NOP2: variants seen among roughly 807,000 people sequenced by gnomAD.
NOP2 encodes the protein 28S rRNA (cytosine(4447)-C(5))-methyltransferase.
NOP2 carries 7 observed loss-of-function variants against 72.7 expected under a neutral mutation model. That is an observed-to-expected ratio of 0.10 (90% CI 0.05 to 0.18). The LOEUF (loss-of-function observed/expected upper bound fraction) is 0.18. Among genes scored for constraint, NOP2 ranks in the 10% least tolerant of loss-of-function variants. NOP2 has a pLI of 1.00. For missense variants in NOP2, 954 were observed against 1,014.7 expected (o/e 0.94, Z 0.81); for synonymous variants, 387 against 388.0 (o/e 1.00, Z 0.03).
At position 6,556,953 on chromosome 12, in the gene NOP2, G is replaced by A; in HGVS notation, c.*40C>T. 1 of 1,610,096 alleles carries A rather than the reference G, an allele frequency of 6.2e-7. No homozygotes were observed. Among genetic ancestry groups the A allele is most frequent in the East Asian group, 2.2e-5 (1 of 44,866 alleles). ...TCACAGAGGCAAGAGTTCCAACCTG[G>A]TGACAATGGCAGTGAGCCACCCGTC... is the stretch of plus-strand genomic sequence containing the variant. On this transcript the variant is annotated 3_prime_UTR_variant, in exon 16 of 16. Transcript: ENST00000322166.
Position 6,561,752 on chromosome 12 carries a change from G to T in NOP2, c.1119C>A (p.Ser373Arg). The change falls in exon 11 of 16, where the codon AGC becomes AGA. Residue 373 changes from serine (S) to arginine (R), a missense_variant. Physicochemically the swap from Ser to Arg is moderately radical, Grantham distance 110. Coordinates refer to ENST00000322166, the MANE Select transcript of NOP2 (RefSeq NM_001258308.2). ...AGHYMLQGAS[S>R]MLPVMALAPQ... The stretch of plus-strand genomic sequence containing the variant: ...GTGCCAAGGCCATGACGGGCAACAT[G>T]CTGGAGGCTCCCTGCAGCATGTAGT... The T allele has an allele frequency of 6.2e-7, 1 of 1,612,212 alleles. No homozygotes were observed. The highest frequency in any genetic ancestry group is 1.1e-5 in the South Asian group (1 of 90,744).
Position 6,557,628 on chromosome 12 carries a change from C to T in NOP2, c.1804G>A (p.Ala602Thr). 6.2e-7 allele frequency: 1 copy of T among 1,610,556 alleles called. No individual in the cohort carries two copies. Among genetic ancestry groups the T allele is most frequent in the Middle Eastern group, 1.7e-4 (1 of 6,058 alleles). Residue 602 changes from alanine to threonine, a missense_variant, in exon 16 of 16, where the codon GCC becomes ACC. This residue lies in a region of NOP2 where 269 missense variants were observed against 260.2 expected (regional missense o/e 1.03). Coordinates refer to ENST00000322166, the MANE Select transcript of NOP2 (RefSeq NM_001258308.2). ...PQSQTGNSET[A>T]TPTNVDLPQV... ...GGCAAGTCTACATTTGTAGGTGTGG[C>T]TGTTTCAGAATTTCCTGGGGTTAAA...
chr12:6,566,546 G>C lies in NOP2; in HGVS notation c.221C>G (p.Pro74Arg), dbSNP rs1555153130. 6.2e-7 allele frequency: 1 copy of C among 1,613,948 alleles called. No individual in the cohort carries two copies. Among genetic ancestry groups the C allele is most frequent in the Middle Eastern group, 1.7e-4 (1 of 6,060 alleles). The change falls in exon 4 of 16, where the codon CCT becomes CGT. Residue 74 changes from proline (P) to arginine (R), a missense_variant. This residue lies in a region of NOP2 where 498 missense variants were observed against 478.3 expected (regional missense o/e 1.04). Transcript: ENST00000322166. ...TCACGGACCTTTTGGTAGCTTTCCA[G>C]GCAATGGTTTGGCCTCAGGAGACTT... is the stretch of plus-strand genomic sequence containing the variant. ...TNKSPEAKPLPGKLPKGISAG... is the reference protein window; with the variant it reads ...TNKSPEAKPLRGKLPKGISAG...
chr12:6,566,960 A>G, intron 2 of NOP2, 138 bp from the exon 3 acceptor site: 1 of 721,988 alleles, frequency 1.4e-6, no homozygotes, highest in South Asian at 1.8e-5. Context: ...TTATTATTTA[A>G]TAACTGTATA....
intron 6 of NOP2, 48 bp from the exon 7 acceptor site, chr12:6,563,819 C>T: frequency 6.2e-7 from 1 of 1,612,430 alleles, no homozygotes; most frequent in Non-Finnish European, 8.5e-7. Context: ...AAAACAGATA[C>T]CTCCTCCTTC....
At position 6,563,598 on chromosome 12, in the gene NOP2, T is replaced by C. The variant is rs1947704170; in HGVS notation, c.688+16A>G. On this transcript the variant is annotated intron_variant, in intron 7 of 15. Transcript: ENST00000322166. Reference sequence around the variant, plus strand: ...CCACCTTCCTCCTAACTCTTCACTCTGCCCTGCAAGGATATCCTGCTCCAT... The same window carrying C: ...CCACCTTCCTCCTAACTCTTCACTCCGCCCTGCAAGGATATCCTGCTCCAT... 1 of 1,608,732 alleles carries C rather than the reference T, an allele frequency of 6.2e-7. No homozygotes were observed. Among genetic ancestry groups the C allele is most frequent in the African/African-American group, 1.3e-5 (1 of 74,830 alleles).
rs769294143 is a variant in NOP2, at chr12:6,561,794, G to A, written c.1077C>T (p.Pro359=). The stretch of plus-strand genomic sequence containing the variant: ...GCATGTAGTGCCCAGCCAGGTACTC[G>A]GGGGTAGCACCTGTGGAGAAGGACC... ...YDSSVPIGAT[P]EYLAGHYMLQ... The change falls in exon 11 of 16, where the codon CCC becomes CCT. Residue 359 remains proline (P), a synonymous_variant. Coordinates refer to ENST00000322166, the MANE Select transcript of NOP2 (RefSeq NM_001258308.2). The A allele has an allele frequency of 1.9e-5, 31 of 1,609,454 alleles. No homozygotes were observed. The highest frequency in any genetic ancestry group is 3.3e-4 in the Middle Eastern group (2 of 6,080).
At chr12:6,567,337 T>C (rs1278192265) in intron 2 of NOP2, among the ~76,000 whole-genome samples, 2 of 152,184 alleles carry the variant, frequency 1.3e-5, no homozygotes, top group African/African-American at 4.8e-5. Flanking sequence ...CTTTATCCAA[T>C]GCCCAACACA....
At chr12:6,567,964 C>T in intron 1 of NOP2, 42 bp from the exon 2 acceptor site, 1 of 1,495,510 alleles carries the variant, frequency 6.7e-7, no homozygotes, top group Non-Finnish European at 9.3e-7. Context: ...TCGCGCGTGT[C>T]GGAGGGAACG....
intron 5 of NOP2, among the ~76,000 whole-genome samples, chr12:6,565,112 C>T (rs938258079): frequency 6.6e-6 from 1 of 151,752 alleles, no homozygotes; most frequent in African/African-American, 2.4e-5. Context: ...CATTTTGGAT[C>T]ATCTTCCTTA....
chr12:6,557,686 T>C, intron 15 of NOP2, 44 bp from the exon 16 acceptor site: 1 of 1,526,814 alleles, frequency 6.5e-7, no homozygotes, highest in African/African-American at 1.4e-5. Context: ...ATGGGCCTTA[T>C]CACCATATTT....
chr12:6,558,212 C>T (rs1196869170), intron 15 of NOP2: 3 of 343,652 alleles, frequency 8.7e-6, no homozygotes, highest in Admixed American at 8.3e-5. Context: ...AAGCTGCGCC[C>T]TCTTGAGGAC....
intron 8 of NOP2, 23 bp from the exon 9 acceptor site, chr12:6,563,193 A>G (rs749943035): frequency 1.3e-6 from 2 of 1,570,410 alleles, no homozygotes; most frequent in East Asian, 2.3e-5. Context: ...ACAGCAGGGA[A>G]TAAGTGAGGC....
intron 4 of NOP2, 58 bp downstream of exon 4, chr12:6,566,471 C>T: frequency 6.4e-7 from 1 of 1,561,878 alleles, no homozygotes. Flanking sequence ...GCGAGTTCTT[C>T]CCTACCCAGG....
chr12:6,560,148 A>T lies in NOP2; in HGVS notation c.1739T>A (p.Phe580Tyr). 6.2e-7 allele frequency: 1 copy of T among 1,614,060 alleles called. No homozygotes were observed. Among genetic ancestry groups the T allele is most frequent in the Non-Finnish European group, 8.5e-7 (1 of 1,179,894 alleles). ...GGAAAATTTCTTGAACTTGGCAATG[A>T]AGAACCCATCCATATTGTGGGTATG... ...YPHTHNMDGFFIAKFKKFSNS... is the reference protein window; with the variant it reads ...YPHTHNMDGFYIAKFKKFSNS... The change falls in exon 15 of 16, where the codon TTC becomes TAC. Residue 580 changes from phenylalanine (F) to tyrosine (Y), a missense_variant. By Grantham distance (22) the Phe-to-Tyr change is conservative. Coordinates refer to ENST00000322166, the MANE Select transcript of NOP2 (RefSeq NM_001258308.2). This position sits in a 1 kb window ranked among gnomAD's most constrained non-coding sequence, Gnocchi z 5.0.
At chr12:6,564,868 T>C (rs1288692465) in intron 5 of NOP2, among the ~76,000 whole-genome samples, 2 of 151,990 alleles carry the variant, frequency 1.3e-5, no homozygotes, top group African/African-American at 2.4e-5. Flanking sequence ...CTGCATCATA[T>C]GCATGAACCA....
chr12:6,566,401 C>T (rs1055069518), intron 4 of NOP2, 65 bp from the exon 5 acceptor site: 16 of 1,491,058 alleles, frequency 1.1e-5, no homozygotes, highest in Non-Finnish European at 1.4e-5. Flanking sequence ...ACCCTGGGAG[C>T]CTGTACTTTC....
chr12:6,566,395 T>C, intron 4 of NOP2, 59 bp from the exon 5 acceptor site: 1 of 1,500,264 alleles, frequency 6.7e-7, no homozygotes, highest in Non-Finnish European at 9.2e-7. Flanking sequence ...CCCCACACCC[T>C]GGGAGCCTGT....
At chr12:6,559,503 G>A (rs562829779) in intron 15 of NOP2, among the ~76,000 whole-genome samples, 32 of 152,284 alleles carry the variant, frequency 2.1e-4, no homozygotes, top group Admixed American at 3.9e-4. Context: ...TGGGATTACA[G>A]GCATGAGCCA....
Sources: gnomAD v4.1 joint callset for allele counts (sites outside exome capture counted in the v4.1 genomes callset) on GRCh38, gnomAD v4.1.1 for gene constraint, gnomAD v4.1.1 regional missense constraint, Gnocchi (gnomAD v3.1) non-coding constraint, MANE v1.5 for transcripts, NCBI Gene and HGNC (gene_info 2026-07-23, HGNC 2026-07-21) for gene names.